Variants in ERI1 observed in about 807,000 individuals in gnomAD.
The protein encoded by ERI1 is 3'-5' exoribonuclease 1.
A neutral mutation model predicts 39.7 loss-of-function variants in ERI1; 39 were observed. The observed-to-expected ratio is 0.98, with a 90% CI of 0.76 to 1.28. The LOEUF (loss-of-function observed/expected upper bound fraction) is 1.28, where lower values mean the gene tolerates loss of function less well. Among genes scored for constraint, ERI1 ranks in the 50% most tolerant of loss-of-function variants. The probability of loss-of-function intolerance (pLI) is 0.00; values close to 1 mark genes in which losing one functional copy is unlikely to be tolerated. For missense variants in ERI1, 581 were observed against 416.9 expected, an observed-to-expected ratio of 1.39 and a Z score of -3.43; for synonymous variants, 204 against 149.6, an observed-to-expected ratio of 1.36 and a Z score of -2.65.
intron 5 of ERI1, among the ~76,000 whole-genome samples, chr8:9,018,939 C>G (rs968001540): frequency 1.1e-4 from 16 of 152,028 alleles, no homozygotes; most frequent in African/African-American, 3.6e-4. Flanking sequence ...TCCTTGAAAC[C>G]TTATAATTTC....
At chr8:9,011,473 G>T in intron 2 of ERI1, 69 bp from the exon 3 acceptor site, 1 of 1,029,704 alleles carries the variant, frequency 9.7e-7, no homozygotes, top group East Asian at 2.5e-5. Context: ...CCCAGTGCCA[G>T]CAGGTGAGAG....
intron 6 of ERI1, among the ~76,000 whole-genome samples, chr8:9,022,841 T>C (rs961437756): frequency 4.6e-5 from 7 of 152,198 alleles, no homozygotes; most frequent in African/African-American, 1.7e-4. Context: ...TGGCCAGTCA[T>C]GTTTCATGTG....
At chr8:9,041,035 A>G (rs1238433396) in intron 3 of ERI1, among the ~76,000 whole-genome samples, 4 of 152,138 alleles carry the variant, frequency 2.6e-5, no homozygotes, top group Admixed American at 2.6e-4. Flanking sequence ...CAGACAGCTG[A>G]GCCCCCAGGC....
intron 3 of ERI1, among the ~76,000 whole-genome samples, chr8:9,039,806 A>G (rs1183325809): frequency 2.0e-5 from 3 of 152,218 alleles, no homozygotes; most frequent in Admixed American, 6.5e-5. Flanking sequence ...GTTAAGAGGT[A>G]GTAAATATTT....
Position 9,032,709 on chromosome 8 carries a change from A to C in ERI1, c.*2675A>C, listed in dbSNP as rs1407058959. ...ATATCATCCCAAGTATTATCCCCAA[A>C]ATGATAATGCAAAACAGAATAATTT... On this transcript the variant is annotated 3_prime_UTR_variant, in exon 7 of 7. Coordinates refer to ENST00000250263, the MANE Select transcript of ERI1 (RefSeq NM_153332.4). 1 of 152,216 alleles carries C rather than the reference A, an allele frequency of 6.6e-6. No individual in the cohort carries two copies. Among genetic ancestry groups the C allele is most frequent in the African/African-American group, 2.4e-5 (1 of 41,448 alleles). 9.4% of individuals were successfully genotyped at this position (152,216 alleles called of 1,614,324 possible).
intron 1 of ERI1, among the ~76,000 whole-genome samples, chr8:9,003,817 A>G (rs1433061707): frequency 6.6e-6 from 1 of 152,222 alleles, no homozygotes; most frequent in Non-Finnish European, 1.5e-5. Flanking sequence ...ATTGAATACT[A>G]AAATTGATCT....
chr8:9,004,392 C>G, intron 1 of ERI1: 1 of 705,468 alleles, frequency 1.4e-6, no homozygotes, highest in East Asian at 9.2e-5. Flanking sequence ...GACACTTTTA[C>G]AGCTACTTAA....
intron 3 of ERI1, among the ~76,000 whole-genome samples, chr8:9,042,728 G>A (rs1022831148): frequency 7.2e-5 from 11 of 152,204 alleles, no homozygotes; most frequent in Admixed American, 2.0e-4. Flanking sequence ...AATCAGAAAC[G>A]ATCCAAAATC....
At chr8:9,034,575 C>T (rs1797779562), downstream of ERI1, among the ~76,000 whole-genome samples, 1 of 152,132 alleles carries the variant, frequency 6.6e-6, no homozygotes, top group Non-Finnish European at 1.5e-5. Context: ...CCACAGACCA[C>T]ACCCATATAA....
chr8:9,061,379 C>A (rs181710828), intron 3 of ERI1, among the ~76,000 whole-genome samples: 1 of 152,100 alleles, frequency 6.6e-6, no homozygotes, highest in African/African-American at 2.4e-5. Flanking sequence ...AGAGTGAGTA[C>A]AGCTGAAGGA....
intron 3 of ERI1, among the ~76,000 whole-genome samples, chr8:9,060,612 G>C (rs1032485993): frequency 7.9e-5 from 12 of 152,210 alleles, no homozygotes; most frequent in Non-Finnish European, 1.8e-4. Flanking sequence ...CCACAGAATA[G>C]AATGGGCCTG....
chr8:9,004,006 C>G, intron 1 of ERI1: 2 of 1,091,192 alleles, frequency 1.8e-6, no homozygotes, highest in South Asian at 2.6e-5. Flanking sequence ...ATTTGCTGCT[C>G]TGCGGGGTCG....
chr8:9,026,677 C>G (rs1053844696), intron 6 of ERI1, among the ~76,000 whole-genome samples: 3 of 152,130 alleles, frequency 2.0e-5, no homozygotes, highest in African/African-American at 7.2e-5. Flanking sequence ...TGGGCACTGA[C>G]ATTGTACTCA....
At chr8:9,008,992 A>G (rs1304977484) in intron 2 of ERI1, 1 of 456,138 alleles carries the variant, frequency 2.2e-6, no homozygotes, top group Non-Finnish European at 4.4e-6. Flanking sequence ...GTATGAAGAA[A>G]TTTTTGACTC....
At chr8:9,087,842 C>G (rs1799579889) in intron 3 of ERI1, among the ~76,000 whole-genome samples, 1 of 152,150 alleles carries the variant, frequency 6.6e-6, no homozygotes, top group South Asian at 2.1e-4. Flanking sequence ...ATTAAGGACC[C>G]CTTGCTTCTT....
At chr8:9,071,330 T>C (rs1799044593) in intron 3 of ERI1, among the ~76,000 whole-genome samples, 1 of 152,238 alleles carries the variant, frequency 6.6e-6, no homozygotes, top group South Asian at 2.1e-4. Context: ...GGAATTTCTA[T>C]TCTAGTTATT....
At chr8:9,051,779 C>A (rs1446772470) in intron 3 of ERI1, among the ~76,000 whole-genome samples, 1 of 152,152 alleles carries the variant, frequency 6.6e-6, no homozygotes, top group African/African-American at 2.4e-5. Context: ...TGTAGTTATA[C>A]ATTTTCCTTG....
intron 3 of ERI1, among the ~76,000 whole-genome samples, chr8:9,057,629 C>G (rs1447229635): frequency 6.6e-6 from 1 of 152,172 alleles, no homozygotes; most frequent in Non-Finnish European, 1.5e-5. Context: ...ACAAAAATCC[C>G]TCTTTGTACG....
At chr8:9,014,578 A>G (rs191705701) in intron 3 of ERI1, among the ~76,000 whole-genome samples, 139 of 152,344 alleles carry the variant, frequency 9.1e-4, no homozygotes, top group African/African-American at 3.1e-3. Context: ...CAATGAATGT[A>G]TAGTTCTCTC....
Sources: gnomAD v4.1 joint callset for allele counts (sites outside exome capture counted in the v4.1 genomes callset) on GRCh38, gnomAD v4.1.1 for gene constraint, MANE v1.5 for transcripts, NCBI Gene and HGNC (gene_info 2026-07-23, HGNC 2026-07-21) for gene names.